Variants in MTUS2 observed in about 807,000 individuals in gnomAD.
MTUS2 encodes the protein microtubule-associated tumor suppressor candidate 2.
A neutral mutation model predicts 114.1 loss-of-function variants in MTUS2; 40 were observed. The observed-to-expected ratio is 0.35, with a 90% CI of 0.27 to 0.46. MTUS2 has a LOEUF of 0.46. Among genes scored for constraint, MTUS2 ranks in the 20% least tolerant of loss-of-function variants. The pLI is 1.00. For synonymous variants in MTUS2, 688 were observed against 672.0 expected, an observed-to-expected ratio of 1.02 and a Z score of -0.37; for missense variants, 1,679 against 1,705.4, an observed-to-expected ratio of 0.98 and a Z score of 0.27.
At chr13:29,238,681 T>G (rs1308105089) in intron 5 of MTUS2, among the ~76,000 whole-genome samples, 1 of 152,204 alleles carries the variant, frequency 6.6e-6, no homozygotes, top group Non-Finnish European at 1.5e-5. Context: ...TAAGGGTGGA[T>G]CTGCCTCTCC....
chr13:29,502,930 C>A, intron 15 of MTUS2, 63 bp from the exon 16 acceptor site: 1 of 1,539,932 alleles, frequency 6.5e-7, no homozygotes. Flanking sequence ...GCACCATTGT[C>A]CTGACCTCAG....
intron 5 of MTUS2, among the ~76,000 whole-genome samples, chr13:29,175,074 C>G (rs1234112002): frequency 6.6e-6 from 1 of 152,172 alleles, no homozygotes; most frequent in Admixed American, 6.5e-5. Context: ...ATCTGAGAAT[C>G]TTATTCTCGA....
chr13:29,214,189 T>A (rs1024882940), intron 5 of MTUS2, among the ~76,000 whole-genome samples: 1 of 152,160 alleles, frequency 6.6e-6, no homozygotes, highest in Non-Finnish European at 1.5e-5. Context: ...TGTTTTTTTT[T>A]TTTTGCTTTC....
chr13:29,454,504 A>G (rs1016927254), intron 9 of MTUS2, among the ~76,000 whole-genome samples: 1 of 152,236 alleles, frequency 6.6e-6, no homozygotes, highest in Non-Finnish European at 1.5e-5. Flanking sequence ...TTAATTTACA[A>G]TAAGAAATAT....
intron 8 of MTUS2, among the ~76,000 whole-genome samples, chr13:29,414,843 T>C (rs1875548317): frequency 6.6e-6 from 1 of 151,970 alleles, no homozygotes; most frequent in Admixed American, 6.5e-5. Context: ...CCTTTTGGTT[T>C]ATTTTGTTGT....
intron 2 of MTUS2, among the ~76,000 whole-genome samples, chr13:28,888,154 C>T (rs1033278491): frequency 1.3e-5 from 2 of 152,176 alleles, no homozygotes; most frequent in Non-Finnish European, 2.9e-5. Flanking sequence ...TTTGTTTGAA[C>T]TGTTGACTAT....
chr13:28,839,041 T>C (rs1359716268), intron 1 of MTUS2, among the ~76,000 whole-genome samples: 1 of 152,042 alleles, frequency 6.6e-6, no homozygotes, highest in Non-Finnish European at 1.5e-5. Context: ...AATTGCGATA[T>C]GTGTAGGTAA....
chr13:28,954,587 C>T (rs894775621), intron 2 of MTUS2, among the ~76,000 whole-genome samples: 5 of 152,028 alleles, frequency 3.3e-5, no homozygotes, highest in African/African-American at 9.7e-5. Flanking sequence ...CTAAGAGATT[C>T]TGAGGAGGAA....
At chr13:29,472,964 GAC>G (rs1880426562) in intron 9 of MTUS2, among the ~76,000 whole-genome samples, 1 of 152,052 alleles carries the variant, frequency 6.6e-6, no homozygotes, top group Non-Finnish European at 1.5e-5. Flanking sequence ...TTTTGTCCTT[GAC>G]AGTTATTTTG....
chr13:28,926,637 T>C (rs934578912), intron 2 of MTUS2, among the ~76,000 whole-genome samples: 9 of 152,236 alleles, frequency 5.9e-5, no homozygotes, highest in African/African-American at 2.2e-4. Context: ...TTTTTCAAAC[T>C]TATTTATTAA....
At chr13:28,928,292 G>A (rs1881431851) in intron 2 of MTUS2, among the ~76,000 whole-genome samples, 1 of 152,112 alleles carries the variant, frequency 6.6e-6, no homozygotes, top group Non-Finnish European at 1.5e-5. Flanking sequence ...CATAGCAAGG[G>A]AAACAAGCAA....
Position 29,100,793 on chromosome 13 carries a change from A to G in MTUS2, c.2467A>G (p.Ser823Gly). The G allele has an allele frequency of 1.3e-6, 2 of 1,551,560 alleles. No individual in the cohort carries two copies. The highest frequency in any genetic ancestry group is 1.7e-6 in the Non-Finnish European group (2 of 1,146,972). Residue 823 changes from serine (S) to glycine (G), a missense_variant, in exon 5 of 16, where the codon AGT becomes GGT. Physicochemically the swap from Ser to Gly is moderately conservative, Grantham distance 56. Transcript: ENST00000612955. ...TTTAGCAGATTTAAAGAAAGCTTCC[A>G]GTTCAAATGCTGCAAAATCCAATCT... ...DPSADLKKAS[S>G]SNAAKSNLPK...
chr13:29,447,648 C>A (rs1878384814), intron 9 of MTUS2, among the ~76,000 whole-genome samples: 1 of 142,918 alleles, frequency 7.0e-6, no homozygotes, highest in African/African-American at 2.6e-5. Flanking sequence ...CATAAAGTAT[C>A]TCATCCTCAA....
chr13:28,949,157 G>A (rs1418392208), intron 2 of MTUS2, among the ~76,000 whole-genome samples: 1 of 152,134 alleles, frequency 6.6e-6, no homozygotes, highest in African/African-American at 2.4e-5. Flanking sequence ...TTTATGGGAG[G>A]CTGACCCTCC....
chr13:28,822,144 A>G (rs1031680448), intron 1 of MTUS2, among the ~76,000 whole-genome samples: 3 of 152,180 alleles, frequency 2.0e-5, no homozygotes, highest in African/African-American at 7.2e-5. Flanking sequence ...TATTGTTTTT[A>G]AGGTCAGAAA....
At chr13:29,075,956 G>A (rs558208325) in intron 4 of MTUS2, among the ~76,000 whole-genome samples, 2 of 152,294 alleles carry the variant, frequency 1.3e-5, no homozygotes, top group South Asian at 4.2e-4. Flanking sequence ...CACTTTACCA[G>A]AAGAGTGAGA....
In MTUS2 at chr13:29,026,754, G is replaced by A. The variant is rs201375666; in HGVS notation, c.2056G>A (p.Gly686Ser). 2.9e-4 allele frequency: 471 copies of A among 1,613,956 alleles called. 1 individual carries two copies. The African/African-American group carries it at 4.1e-3, about 14-fold the overall frequency. ...MPLPHEEKAA[G>S]GDLKPSANLY... ...TCTTCCCCACGAAGAGAAGGCAGCA[G>A]GTGGTGACCTGAAGCCATCTGCCAA... The change falls in exon 3 of 16, where the codon GGT becomes AGT. Residue 686 changes from glycine (G) to serine (S), a missense_variant. Around this residue, in one of 3 missense-constraint regions of MTUS2, gnomAD observed 822 missense variants for 899.7 expected, o/e 0.91. Transcript: ENST00000612955.
chr13:28,838,479 C>T (rs1018929053), intron 1 of MTUS2, among the ~76,000 whole-genome samples: 2 of 152,162 alleles, frequency 1.3e-5, no homozygotes, highest in Admixed American at 6.5e-5. Flanking sequence ...CTTCATTGCC[C>T]CATGGACTTG....
chr13:29,003,934 A>T (rs1885491590), intron 2 of MTUS2, among the ~76,000 whole-genome samples: 1 of 152,136 alleles, frequency 6.6e-6, no homozygotes, highest in East Asian at 1.9e-4. Flanking sequence ...CATGTGTTTC[A>T]GATTCAAAGG....
Sources: allele counts gnomAD v4.1 joint callset (sites outside exome capture counted in the v4.1 genomes callset), GRCh38; gene constraint gnomAD v4.1.1; regional missense constraint gnomAD v4.1.1; transcripts MANE v1.5; gene names NCBI Gene and HGNC (gene_info 2026-07-23, HGNC 2026-07-21).